MAF: variants seen among roughly 807,000 people sequenced by gnomAD.
MAF encodes the protein MAF bZIP transcription factor.
In MAF, 10 loss-of-function variants were observed where a neutral mutation model predicts 22.0. That is an observed-to-expected ratio of 0.45 (90% CI 0.28 to 0.77). MAF has a LOEUF of 0.77. Ranked by LOEUF, MAF falls within the 30% of genes least tolerant of loss-of-function variation. The pLI is 0.12. For missense variants in MAF, 544 were observed against 548.4 expected (o/e 0.99, Z 0.08); for synonymous variants, 337 against 255.8 (o/e 1.32, Z -3.03).
intron 1 of MAF, chr16:79,597,260 G>A (rs1597844754): frequency 1.9e-6 from 2 of 1,047,016 alleles, no homozygotes; most frequent in Admixed American, 1.1e-4. Context: ...TTTATCTGTA[G>A]CATACATTTT....
chr16:79,469,570 G>A, the MAF span, among the ~76,000 whole-genome samples: 1 of 152,014 alleles, frequency 6.6e-6, no homozygotes, highest in East Asian at 1.9e-4. Context: ...TTATATGCAA[G>A]GTCTCATTTA....
the MAF span, among the ~76,000 whole-genome samples, chr16:79,471,572 G>A: frequency 6.6e-6 from 1 of 152,196 alleles, no homozygotes; most frequent in East Asian, 1.9e-4. Context: ...AGGTGCTAGG[G>A]CGGCTGAGGT....
the MAF span, among the ~76,000 whole-genome samples, chr16:79,549,912 C>T: frequency 6.6e-6 from 1 of 152,164 alleles, no homozygotes; most frequent in African/African-American, 2.4e-5. Context: ...AAGCAGACCT[C>T]CTAAATTGTT....
At chr16:79,596,502 T>C (rs2143774214) in intron 1 of MAF, 1 of 1,050,428 alleles carries the variant, frequency 9.5e-7, no homozygotes. Context: ...CCGTTTATTA[T>C]TGTAGATTAT....
chr16:79,506,381 G>A, the MAF span, among the ~76,000 whole-genome samples: 7 of 152,134 alleles, frequency 4.6e-5, no homozygotes, highest in East Asian at 1.2e-3. Flanking sequence ...TTTGAACAGA[G>A]AGTGGCTCAA....
At chr16:79,305,894 G>C in the MAF span, among the ~76,000 whole-genome samples, 3 of 152,124 alleles carry the variant, frequency 2.0e-5, no homozygotes, top group Non-Finnish European at 4.4e-5. Context: ...GCACTATTTG[G>C]GACCACAGCA....
the MAF span, among the ~76,000 whole-genome samples, chr16:79,525,583 G>A: frequency 6.6e-6 from 1 of 152,212 alleles, no homozygotes; most frequent in East Asian, 1.9e-4. Flanking sequence ...TCCCCTTCAA[G>A]TGGAAAAATT....
chr16:79,346,060 G>A, the MAF span, among the ~76,000 whole-genome samples: 1 of 151,616 alleles, frequency 6.6e-6, no homozygotes, highest in East Asian at 1.9e-4. Flanking sequence ...TAAGTTCTAG[G>A]GTACATGTGT....
the MAF span, among the ~76,000 whole-genome samples, chr16:79,269,033 A>G: frequency 2.0e-5 from 3 of 152,126 alleles, no homozygotes; most frequent in East Asian, 5.8e-4. Flanking sequence ...CTAGTTTCCA[A>G]TCTTTCTACC....
the MAF span, among the ~76,000 whole-genome samples, chr16:79,482,261 C>A: frequency 6.6e-6 from 1 of 152,084 alleles, no homozygotes; most frequent in Non-Finnish European, 1.5e-5. Context: ...TGGCACTTTC[C>A]TTCTTCTCTT....
the MAF span, among the ~76,000 whole-genome samples, chr16:79,495,667 T>C: frequency 6.6e-6 from 1 of 152,134 alleles, no homozygotes; most frequent in African/African-American, 2.4e-5. Context: ...AAATGAAACT[T>C]TTCTCCTAGT....
chr16:79,562,315 C>T, the MAF span, among the ~76,000 whole-genome samples: 1 of 152,096 alleles, frequency 6.6e-6, no homozygotes, highest in Non-Finnish European at 1.5e-5. Context: ...TTGTTTTGTT[C>T]CCATTGATAG....
chr16:79,243,130 A>T, the MAF span, among the ~76,000 whole-genome samples: 2 of 152,038 alleles, frequency 1.3e-5, no homozygotes, highest in Non-Finnish European at 2.9e-5. Context: ...CTAACATCAC[A>T]ATCAAAAGAA....
the MAF span, among the ~76,000 whole-genome samples, chr16:79,276,515 A>C: frequency 6.6e-6 from 1 of 152,230 alleles, no homozygotes; most frequent in Non-Finnish European, 1.5e-5. Flanking sequence ...ATGTGTGTGA[A>C]ACATAAAAGA....
At chr16:79,507,182 C>T in the MAF span, among the ~76,000 whole-genome samples, 3 of 149,136 alleles carry the variant, frequency 2.0e-5, no homozygotes, top group South Asian at 4.2e-4. Context: ...GGCGTGATCT[C>T]GGCCCACTGC....
the MAF span, among the ~76,000 whole-genome samples, chr16:79,506,304 G>A: frequency 4.6e-5 from 7 of 152,098 alleles, no homozygotes; most frequent in South Asian, 2.1e-4. Context: ...GCTGAGGCTC[G>A]GCAAAGTCCA....
At chr16:79,439,068 C>T in the MAF span, among the ~76,000 whole-genome samples, 1 of 152,050 alleles carries the variant, frequency 6.6e-6, no homozygotes, top group Non-Finnish European at 1.5e-5. Flanking sequence ...CTCCAAGAGG[C>T]AGAGGCAGGG....
the MAF span, among the ~76,000 whole-genome samples, chr16:79,260,286 G>A: frequency 1.3e-5 from 2 of 152,116 alleles, no homozygotes; most frequent in African/African-American, 2.4e-5. Flanking sequence ...GAGCAGCTGG[G>A]ATGAAAGGTG....
the MAF span, among the ~76,000 whole-genome samples, chr16:79,515,187 C>T: frequency 6.6e-6 from 1 of 152,172 alleles, no homozygotes; most frequent in African/African-American, 2.4e-5. Flanking sequence ...TATTTTTCGC[C>T]ATTGTCATTG....
Sources: allele counts gnomAD v4.1 joint callset (sites outside exome capture counted in the v4.1 genomes callset), GRCh38; gene constraint gnomAD v4.1.1; transcripts MANE v1.5; gene names NCBI Gene and HGNC (gene_info 2026-07-23, HGNC 2026-07-21).